Variants in SCFD2 observed in about 807,000 individuals in gnomAD.
SCFD2 encodes the protein sec1 family domain containing 2.
SCFD2 carries 54 observed loss-of-function variants against 58.9 expected under a neutral mutation model. That is an observed-to-expected ratio of 0.92 (90% CI 0.74 to 1.15). The LOEUF is 1.15. SCFD2 is among the 50% of genes most tolerant of loss of function. The pLI is 0.00. For missense variants in SCFD2, 805 were observed against 836.6 expected, an observed-to-expected ratio of 0.96 and a Z score of 0.47; for synonymous variants, 321 against 335.9, an observed-to-expected ratio of 0.96 and a Z score of 0.49.
At chr4:52,931,979 A>G (rs301119) in intron 5 of SCFD2, among the ~76,000 whole-genome samples, 1 of 152,052 alleles carries the variant, frequency 6.6e-6, no homozygotes, top group South Asian at 2.1e-4. Flanking sequence ...AGGGCTCCCC[A>G]AAGAAGACCA....
intron 5 of SCFD2, among the ~76,000 whole-genome samples, chr4:52,967,924 C>A (rs186475730): frequency 6.6e-6 from 1 of 152,150 alleles, no homozygotes; most frequent in Non-Finnish European, 1.5e-5. Flanking sequence ...TAACTTCAGC[C>A]GGGGTCCTCT....
At chr4:53,253,854 C>T (rs553288126) in intron 4 of SCFD2, among the ~76,000 whole-genome samples, 3 of 145,506 alleles carry the variant, frequency 2.1e-5, no homozygotes, top group Non-Finnish European at 4.5e-5. Flanking sequence ...CTAACCTGAA[C>T]ATTGTGCACA....
chr4:52,934,436 A>G (rs1467873952), intron 5 of SCFD2, among the ~76,000 whole-genome samples: 1 of 152,228 alleles, frequency 6.6e-6, no homozygotes, highest in Non-Finnish European at 1.5e-5. Flanking sequence ...TTCAAAACAC[A>G]TAATTATTCT....
At chr4:53,195,514 G>A (rs930163888) in intron 4 of SCFD2, among the ~76,000 whole-genome samples, 2 of 152,042 alleles carry the variant, frequency 1.3e-5, no homozygotes, top group Non-Finnish European at 2.9e-5. Flanking sequence ...ACATTCCTAC[G>A]GATCCTGGTT....
chr4:52,926,337 T>C (rs2109491770), intron 5 of SCFD2, among the ~76,000 whole-genome samples: 2 of 152,148 alleles, frequency 1.3e-5, no homozygotes, highest in Middle Eastern at 6.8e-3. Flanking sequence ...TCAGTCTGGA[T>C]TCGAGCTGAA....
intron 1 of SCFD2, among the ~76,000 whole-genome samples, chr4:53,356,296 C>T (rs1734397177): frequency 1.3e-5 from 2 of 152,200 alleles, no homozygotes; most frequent in South Asian, 2.1e-4. Context: ...TTGAAAATTA[C>T]ACTTCTGCAT....
chr4:53,306,214 T>G (rs1430684113), intron 3 of SCFD2, among the ~76,000 whole-genome samples: 2 of 151,900 alleles, frequency 1.3e-5, no homozygotes, highest in African/African-American at 2.4e-5. Context: ...TGGAGTGGAG[T>G]GTAGAAGTAG....
At position 53,365,942 on chromosome 4, in the gene SCFD2, G is replaced by T; in HGVS notation, c.-1C>A. The T allele has an allele frequency of 6.6e-7, 1 of 1,522,040 alleles. No individual in the cohort carries two copies. The highest frequency in any genetic ancestry group is 8.8e-7 in the Non-Finnish European group (1 of 1,140,590). The allele number at this position is 1,522,040 out of a possible 1,614,324, so 94.3% of individuals were successfully genotyped here. Reference sequence around the variant, plus strand: ...AGGACAGTACGCCCGAGGCGCTCATGGTTGGGGATTCGCAGACTTGGGAAA... The same window carrying T: ...AGGACAGTACGCCCGAGGCGCTCATTGTTGGGGATTCGCAGACTTGGGAAA... On this transcript the variant is annotated 5_prime_UTR_variant, in exon 1 of 9. Transcript: ENST00000401642. The surrounding 1 kb of genome is among the most constrained non-coding windows in gnomAD (Gnocchi z 4.3).
intron 5 of SCFD2, among the ~76,000 whole-genome samples, chr4:53,109,040 T>C (rs1054246741): frequency 6.6e-6 from 1 of 152,186 alleles, no homozygotes; most frequent in African/African-American, 2.4e-5. Flanking sequence ...GCTTCATACC[T>C]GGGATGCAAG....
intron 5 of SCFD2, among the ~76,000 whole-genome samples, chr4:53,012,093 A>G (rs957347624): frequency 6.6e-6 from 1 of 151,894 alleles, no homozygotes; most frequent in African/African-American, 2.4e-5. Flanking sequence ...AAATTTCCAA[A>G]AACAACAGCA....
chr4:52,972,426 T>C (rs1270594273), intron 5 of SCFD2, among the ~76,000 whole-genome samples: 1 of 152,150 alleles, frequency 6.6e-6, no homozygotes, highest in African/African-American at 2.4e-5. Context: ...AAGAAGGCCA[T>C]TACATAATGG....
intron 5 of SCFD2, among the ~76,000 whole-genome samples, chr4:53,047,758 A>T (rs997431592): frequency 7.9e-5 from 12 of 152,032 alleles, no homozygotes; most frequent in Admixed American, 2.0e-4. Context: ...CTTCCCCCAA[A>T]CTCCAAGGTG....
At chr4:52,955,701 T>C (rs931469871) in intron 5 of SCFD2, among the ~76,000 whole-genome samples, 6 of 152,140 alleles carry the variant, frequency 3.9e-5, no homozygotes, top group African/African-American at 7.2e-5. Context: ...AGGACATTCA[T>C]AAAAAGACCC....
intron 4 of SCFD2, among the ~76,000 whole-genome samples, chr4:53,250,169 G>C (rs932651225): frequency 2.4e-4 from 37 of 152,244 alleles, no homozygotes; most frequent in Non-Finnish European, 4.7e-4. Flanking sequence ...GGATAAAACA[G>C]ACTTTAAACC....
intron 5 of SCFD2, among the ~76,000 whole-genome samples, chr4:52,946,945 T>A (rs1379703739): frequency 1.3e-5 from 2 of 152,152 alleles, no homozygotes; most frequent in African/African-American, 2.4e-5. Flanking sequence ...CCTATTCTAT[T>A]TTTGCATCTC....
chr4:52,920,861 G>C lies in SCFD2; in HGVS notation c.1571C>G (p.Ser524Cys). Residue 524 changes from serine to cysteine, a missense_variant, in exon 6 of 9, where the codon TCT becomes TGT. Coordinates refer to ENST00000401642, the MANE Select transcript of SCFD2 (RefSeq NM_152540.4). ...TTTGTGAAATGTCAGATTAATTGAA[G>C]AGTCCCAGTCTGAAAAAATCCAGAG... ...PLLQKITDWD[S>C]SINLTFHKSK... is the part of the protein sequence containing the mutation. 1 of 1,609,342 alleles carries C rather than the reference G, an allele frequency of 6.2e-7. No homozygotes were observed. The highest frequency in any genetic ancestry group is 8.5e-7 in the Non-Finnish European group (1 of 1,177,220).
chr4:53,328,881 G>C (rs1166364808), intron 2 of SCFD2, among the ~76,000 whole-genome samples: 2 of 152,228 alleles, frequency 1.3e-5, no homozygotes, highest in East Asian at 3.9e-4. Context: ...CAGGTCAGTG[G>C]GTGCGCGCAC....
chr4:53,259,033 T>C (rs573387146), intron 4 of SCFD2, among the ~76,000 whole-genome samples: 11 of 152,242 alleles, frequency 7.2e-5, no homozygotes, highest in African/African-American at 7.2e-5. Flanking sequence ...CTTTTGAGAA[T>C]TGTCTATTCA....
intron 5 of SCFD2, among the ~76,000 whole-genome samples, chr4:53,073,284 ATCCACAAATTTTGGTATCCATAGAAGG>A (rs1390113437): frequency 6.6e-6 from 1 of 152,098 alleles, no homozygotes; most frequent in African/African-American, 2.4e-5. Context: ...GAACTTGAGC[ATCCACAAATTTTGGTATCCATAGAAGG>A]TCCTGGAACC....
Sources: gnomAD v4.1 joint callset for allele counts (sites outside exome capture counted in the v4.1 genomes callset) on GRCh38, gnomAD v4.1.1 for gene constraint, Gnocchi (gnomAD v3.1) non-coding constraint, MANE v1.5 for transcripts, NCBI Gene and HGNC (gene_info 2026-07-23, HGNC 2026-07-21) for gene names.